Variants in TP63 observed in about 807,000 individuals in gnomAD.
The protein encoded by TP63 is tumor protein 63.
A neutral mutation model predicts 82.8 loss-of-function variants in TP63; 17 were observed. That is an observed-to-expected ratio of 0.21 (90% confidence interval 0.14 to 0.31). The LOEUF (loss-of-function observed/expected upper bound fraction) is 0.31. Ranked by LOEUF, TP63 falls within the 10% of genes least tolerant of loss-of-function variation. TP63 has a pLI of 1.00. For synonymous variants in TP63, 330 were observed against 321.7 expected (o/e 1.03, Z -0.28); for missense variants, 648 against 895.3 (o/e 0.72, Z 3.52).
At position 189,649,431 on chromosome 3, in the gene TP63, G is replaced by A. The variant is rs116046031; in HGVS notation, c.62+17854G>A. Among the ~76,000 whole-genome samples the A allele has an allele frequency of 8.5e-4, 124 of 146,610 alleles. 13 individuals are homozygous for A. The highest frequency in any genetic ancestry group is 2.7e-3 in the African/African-American group (107 of 39,130). ...AGTGGAAACTAAATGATGAGAACGC[G>A]TGGACACAGAAATGGAAACAACAGA... On this transcript the variant is annotated intron_variant, in intron 1 of 13. Coordinates refer to ENST00000264731, the MANE Select transcript of TP63 (RefSeq NM_003722.5).
chr3:189,875,666 TAGTC>T (rs1476671141), intron 10 of TP63, among the ~76,000 whole-genome samples: 1 of 138,642 alleles, frequency 7.2e-6, no homozygotes, highest in African/African-American at 2.7e-5. Context: ...TGTAGTTTGA[TAGTC>T]TGTCTTATAG....
intron 1 of TP63, among the ~76,000 whole-genome samples, chr3:189,716,622 A>G (rs1718977650): frequency 6.6e-6 from 1 of 152,206 alleles, no homozygotes; most frequent in South Asian, 2.1e-4. Context: ...GCGGAATTTT[A>G]TGATATTCTG....
chr3:189,860,296 T>A (rs1292892493), intron 4 of TP63, among the ~76,000 whole-genome samples: 1 of 152,274 alleles, frequency 6.6e-6, no homozygotes, highest in Middle Eastern at 3.4e-3. Context: ...CTGACTTGAA[T>A]CATCAGGGTA....
chr3:189,847,554 G>A (rs1715051738), intron 4 of TP63, among the ~76,000 whole-genome samples: 1 of 152,148 alleles, frequency 6.6e-6, no homozygotes, highest in African/African-American at 2.4e-5. Context: ...AATTATTTCA[G>A]ATGTGCTTTA....
intron 3 of TP63, among the ~76,000 whole-genome samples, chr3:189,747,252 A>G (rs1348434274): frequency 2.6e-5 from 4 of 152,106 alleles, no homozygotes; most frequent in Non-Finnish European, 5.9e-5. Context: ...AAATTGACCT[A>G]ATGGACATTT....
At chr3:189,837,638 T>C (rs1224152824) in intron 4 of TP63, among the ~76,000 whole-genome samples, 2 of 152,136 alleles carry the variant, frequency 1.3e-5, no homozygotes, top group African/African-American at 4.8e-5. Context: ...GCAATAGTTA[T>C]TACTTTTGTT....
chr3:189,736,579 A>G (rs1720610727), intron 1 of TP63, among the ~76,000 whole-genome samples: 1 of 152,096 alleles, frequency 6.6e-6, no homozygotes, highest in African/African-American at 2.4e-5. Flanking sequence ...CTTTCCTTCT[A>G]TACCATCAAT....
intron 1 of TP63, among the ~76,000 whole-genome samples, chr3:189,714,629 T>C (rs1054185001): frequency 7.9e-5 from 12 of 152,166 alleles, no homozygotes; most frequent in Non-Finnish European, 1.6e-4. Flanking sequence ...CAGTTTCTGA[T>C]AGGTTTTCCT....
chr3:189,636,236 A>G (rs1246962079), intron 1 of TP63, among the ~76,000 whole-genome samples: 1 of 152,184 alleles, frequency 6.6e-6, no homozygotes, highest in Non-Finnish European at 1.5e-5. Context: ...CGGTGAGTGC[A>G]TTTAAATAGC....
intron 3 of TP63, among the ~76,000 whole-genome samples, chr3:189,799,727 A>G (rs1447890021): frequency 6.6e-6 from 1 of 152,222 alleles, no homozygotes; most frequent in African/African-American, 2.4e-5. Context: ...TAAAGATCAT[A>G]GAGATTATTT....
chr3:189,839,056 A>G (rs1355314098), intron 4 of TP63, among the ~76,000 whole-genome samples: 8 of 149,412 alleles, frequency 5.4e-5, no homozygotes, highest in South Asian at 2.1e-4. Flanking sequence ...AAAAAAAAAA[A>G]AAAAAAAAGA....
intron 1 of TP63, among the ~76,000 whole-genome samples, chr3:189,704,228 A>T (rs1262174107): frequency 6.6e-6 from 1 of 152,152 alleles, no homozygotes; most frequent in East Asian, 1.9e-4. Context: ...TCCTGCTCCA[A>T]CCTAAAAGGT....
At chr3:189,660,071 T>A (rs1713734888) in intron 1 of TP63, among the ~76,000 whole-genome samples, 1 of 152,146 alleles carries the variant, frequency 6.6e-6, no homozygotes, top group African/African-American at 2.4e-5. Context: ...GTTCCACTTG[T>A]CAATTTTTGT....
intron 3 of TP63, among the ~76,000 whole-genome samples, chr3:189,740,196 A>C (rs1012344356): frequency 6.6e-6 from 1 of 152,216 alleles, no homozygotes; most frequent in Admixed American, 6.5e-5. Context: ...AAATGAAACT[A>C]TCAAATAATT....
chr3:189,746,763 A>G (rs981084540), intron 3 of TP63, among the ~76,000 whole-genome samples: 30 of 151,004 alleles, frequency 2.0e-4, no homozygotes, highest in Non-Finnish European at 4.1e-4. Context: ...AGATTTTTAA[A>G]AAGACCCAAC....
chr3:189,635,737 C>G (rs1729736414), intron 1 of TP63, among the ~76,000 whole-genome samples: 1 of 152,098 alleles, frequency 6.6e-6, no homozygotes, highest in Non-Finnish European at 1.5e-5. Flanking sequence ...CATCATATTC[C>G]TTACCCCCTC....
intron 3 of TP63, among the ~76,000 whole-genome samples, chr3:189,758,680 A>C (rs1473390609): frequency 6.6e-6 from 1 of 152,166 alleles, no homozygotes; most frequent in Admixed American, 6.5e-5. Context: ...TATGCCCCTC[A>C]GTTGCATTCT....
intron 10 of TP63, among the ~76,000 whole-genome samples, chr3:189,875,614 A>ACGTATATATATATATATATATACG (rs1361515135): frequency 6.6e-5 from 7 of 106,708 alleles, no homozygotes; most frequent in African/African-American, 2.7e-4. Flanking sequence ...ATATATATAT[A>ACGTATATATATATATATATATACG]TATATATATA....
At chr3:189,619,929 T>C in the TP63 span, among the ~76,000 whole-genome samples, 1 of 152,134 alleles carries the variant, frequency 6.6e-6, no homozygotes, top group Non-Finnish European at 1.5e-5. Context: ...TCTCCACTCT[T>C]GGACCTCTCT....
Sources: allele counts gnomAD v4.1 joint callset (sites outside exome capture counted in the v4.1 genomes callset), GRCh38; gene constraint gnomAD v4.1.1; transcripts MANE v1.5; gene names NCBI Gene and HGNC (gene_info 2026-07-23, HGNC 2026-07-21).